Variants in ARMC3 observed in about 807,000 individuals in gnomAD.
ARMC3 encodes the protein armadillo repeat-containing protein 3.
In ARMC3, 74 loss-of-function variants were observed where a neutral mutation model predicts 90.3. The observed-to-expected ratio is 0.82, with a 90% confidence interval of 0.68 to 0.99. The LOEUF (loss-of-function observed/expected upper bound fraction) is 0.99, where lower values mean the gene tolerates loss of function less well. Ranked by LOEUF, ARMC3 falls within the 50% of genes least tolerant of loss-of-function variation. The probability of loss-of-function intolerance (pLI) is 0.00; values close to 1 mark genes in which losing one functional copy is unlikely to be tolerated. For synonymous variants in ARMC3, 334 were observed against 361.8 expected, an observed-to-expected ratio of 0.92 and a Z score of 0.87; for missense variants, 958 against 1,042.8, an observed-to-expected ratio of 0.92 and a Z score of 1.12.
chr10:22,964,928 T>C (rs1277125201), intron 7 of ARMC3, among the ~76,000 whole-genome samples: 1 of 152,172 alleles, frequency 6.6e-6, no homozygotes, highest in East Asian at 1.9e-4. Context: ...CTTTTAACAA[T>C]GTATCTCTAC....
intron 16 of ARMC3, among the ~76,000 whole-genome samples, chr10:23,022,633 G>T (rs999851401): frequency 6.6e-6 from 1 of 152,178 alleles, no homozygotes; most frequent in Non-Finnish European, 1.5e-5. Flanking sequence ...GTTGACTGGA[G>T]CCCCACTAAC....
chr10:22,959,077 T>C lies in ARMC3; in HGVS notation c.300T>C (p.Val100=). ...CTGTTTCTTCCTTTGTAGATGATGT[T>C]AAAAAATTGTTAAGGGAGTTAGATG... ...IFGILASNND[V]KKLLRELDVM... is the part of the protein sequence containing the mutation. The change falls in exon 5 of 19, where the codon GTT becomes GTC. Residue 100 remains valine, a synonymous_variant. Coordinates refer to ENST00000298032, the MANE Select transcript of ARMC3 (RefSeq NM_173081.5). 1 of 1,609,042 alleles carries C rather than the reference T, an allele frequency of 6.2e-7. No homozygotes were observed. The highest frequency in any genetic ancestry group is 8.5e-7 in the Non-Finnish European group (1 of 1,175,416).
chr10:23,034,977 T>A (rs750013210), intron 18 of ARMC3, among the ~76,000 whole-genome samples: 14 of 152,232 alleles, frequency 9.2e-5, no homozygotes, highest in Non-Finnish European at 1.5e-4. Flanking sequence ...TCATAGGCAC[T>A]GTATTTGTCA....
intron 2 of ARMC3, among the ~76,000 whole-genome samples, chr10:22,945,164 T>C (rs1344013100): frequency 6.6e-6 from 1 of 152,236 alleles, no homozygotes; most frequent in African/African-American, 2.4e-5. Flanking sequence ...CACACAATCA[T>C]GTTTCCTTGG....
intron 14 of ARMC3, among the ~76,000 whole-genome samples, chr10:23,007,352 A>G (rs1401405497): frequency 6.6e-6 from 1 of 152,062 alleles, no homozygotes; most frequent in East Asian, 1.9e-4. Flanking sequence ...ACCACCCAAC[A>G]TTTTTCTTTG....
chr10:22,974,939 C>CA (rs11455874), intron 8 of ARMC3, among the ~76,000 whole-genome samples: 152,313 of 152,314 alleles, frequency 1, 76,156 homozygotes, highest in Middle Eastern at 1. Flanking sequence ...CCACCCTGGC[C>CA]AAGACTCTCT....
At chr10:23,033,114 ATAT>A (rs1199076309) in intron 18 of ARMC3, 91 bp downstream of exon 18, 11 of 1,227,866 alleles carry the variant, frequency 9.0e-6, no homozygotes, top group Non-Finnish European at 1.3e-5. Context: ...ATTTAACTGG[ATAT>A]TATTAATTCT....
At chr10:22,976,059 G>T (rs932893927) in intron 8 of ARMC3, among the ~76,000 whole-genome samples, 1 of 152,150 alleles carries the variant, frequency 6.6e-6, no homozygotes, top group African/African-American at 2.4e-5. Context: ...ATGAGGAGGA[G>T]ACTTTCCCAT....
chr10:23,032,786 A>G, intron 17 of ARMC3, 75 bp from the exon 18 acceptor site: 1 of 1,391,302 alleles, frequency 7.2e-7, no homozygotes, highest in South Asian at 1.4e-5. Context: ...ATGTATATTT[A>G]CATGTAATTA....
intron 16 of ARMC3, among the ~76,000 whole-genome samples, chr10:23,017,196 T>G (rs1431008225): frequency 2.6e-5 from 4 of 152,184 alleles, no homozygotes; most frequent in African/African-American, 9.7e-5. Context: ...ATGATTAACC[T>G]CTCTCTTTTA....
chr10:23,013,524 G>T (rs1191753027), intron 16 of ARMC3, among the ~76,000 whole-genome samples: 3 of 152,094 alleles, frequency 2.0e-5, no homozygotes, highest in Non-Finnish European at 2.9e-5. Context: ...ATGATGTTTT[G>T]ATATCTGTGT....
At position 22,935,867 on chromosome 10, in the gene ARMC3, A is replaced by C. The variant is rs933226068; in HGVS notation, c.48+3823A>C. 3.9e-5 allele frequency among the ~76,000 whole-genome samples: 6 copies of C among 152,290 alleles called. No individual in the cohort carries two copies. In the South Asian group the frequency reaches 1.0e-3, roughly 26 times the overall value. ...TTTTCCGGATGTCTAGATATTCTCT[A>C]TTGAAAGTTCCTATTAGATGAATGC... On this transcript the variant is annotated intron_variant, in intron 2 of 18. Transcript: ENST00000298032.
At position 23,037,524 on chromosome 10, in the gene ARMC3, T is replaced by C. The variant is rs1321437819; in HGVS notation, c.*45T>C. On this transcript the variant is annotated 3_prime_UTR_variant, in exon 19 of 19. Transcript: ENST00000298032. ...AGAGGCTCAAACAAGAAATTCACTG[T>C]GTACACTCTCTAAGACATTCTCCAA... is the stretch of plus-strand genomic sequence containing the variant. The C allele has an allele frequency of 6.6e-7, 1 of 1,510,990 alleles. No individual in the cohort carries two copies. Among genetic ancestry groups the C allele is most frequent in the East Asian group, 2.3e-5 (1 of 44,106 alleles). 93.6% of individuals were successfully genotyped at this position (1,510,990 alleles called of 1,614,324 possible).
chr10:22,940,149 C>T (rs1834268848), intron 2 of ARMC3, among the ~76,000 whole-genome samples: 1 of 152,190 alleles, frequency 6.6e-6, no homozygotes, highest in African/African-American at 2.4e-5. Context: ...AAATGAAATA[C>T]ATTACAATTG....
At chr10:22,968,524 G>A (rs753606382) in intron 8 of ARMC3, 35 bp downstream of exon 8, 19 of 1,512,058 alleles carry the variant, frequency 1.3e-5, no homozygotes, top group Non-Finnish European at 1.6e-5. Context: ...TTTTGAGATA[G>A]GATCTTGCTC....
intron 3 of ARMC3, 34 bp from the exon 4 acceptor site, chr10:22,955,773 T>C (rs944672644): frequency 2.5e-6 from 4 of 1,611,612 alleles, no homozygotes; most frequent in Admixed American, 3.4e-5. Context: ...ATCGATAATA[T>C]CCATGTGTGG....
At chr10:23,016,865 G>C (rs1030538411) in intron 16 of ARMC3, among the ~76,000 whole-genome samples, 3 of 152,180 alleles carry the variant, frequency 2.0e-5, no homozygotes, top group Admixed American at 2.0e-4. Context: ...TCCTGCCTCT[G>C]TTTTGTAGGT....
At chr10:22,996,431 G>T (rs548915188) in intron 10 of ARMC3, among the ~76,000 whole-genome samples, 20 of 152,098 alleles carry the variant, frequency 1.3e-4, no homozygotes, top group Non-Finnish European at 2.5e-4. Flanking sequence ...GTCAATTTTG[G>T]TTACATGTCA....
intron 7 of ARMC3, among the ~76,000 whole-genome samples, chr10:22,965,945 C>G (rs894003775): frequency 2.0e-5 from 3 of 152,158 alleles, no homozygotes; most frequent in African/African-American, 7.2e-5. Flanking sequence ...ACACCTGTCC[C>G]TAACAGAGTA....
Sources: allele counts gnomAD v4.1 joint callset (sites outside exome capture counted in the v4.1 genomes callset), GRCh38; gene constraint gnomAD v4.1.1; transcripts MANE v1.5; gene names NCBI Gene and HGNC (gene_info 2026-07-23, HGNC 2026-07-21).